Variants in PRKAR1A observed in about 807,000 individuals in gnomAD.
PRKAR1A encodes cAMP-dependent protein kinase type I-alpha regulatory subunit.
In PRKAR1A, 3 loss-of-function variants were observed where a neutral mutation model predicts 52.0. That is an observed-to-expected ratio of 0.06 (90% confidence interval 0.03 to 0.15). The LOEUF is 0.15. Among genes scored for constraint, PRKAR1A ranks in the 10% least tolerant of loss-of-function variants. The pLI is 1.00. For synonymous variants in PRKAR1A, 188 were observed against 168.4 expected (o/e 1.12, Z -0.90); for missense variants, 240 against 477.4 (o/e 0.50, Z 4.63).
Position 68,528,890 on chromosome 17 carries a change from C to A in PRKAR1A, c.790C>A (p.Arg264Ser). 6.2e-7 allele frequency: 1 copy of A among 1,613,822 alleles called. No individual in the cohort carries two copies. The highest frequency in any genetic ancestry group is 1.3e-5 in the African/African-American group (1 of 74,990). ...TTCAGAGTCTCTGGACAAGTGGGAA[C>A]GTCTTACGGTAGCTGATGCATTGGA... Reference protein sequence around the residue: ...SILESLDKWERLTVADALEPV... With the variant: ...SILESLDKWESLTVADALEPV... The change falls in exon 9 of 11, where the codon CGT becomes AGT. Residue 264 changes from arginine to serine, a missense_variant. Physicochemically the swap from Arg to Ser is moderately radical, Grantham distance 110 (BLOSUM62 -1). Around this residue, in one of 4 missense-constraint regions of PRKAR1A, gnomAD observed 107 missense variants for 290.9 expected, o/e 0.37. Coordinates refer to ENST00000589228, the MANE Select transcript of PRKAR1A (RefSeq NM_002734.5).
chr17:68,542,994 T>C (rs558888222), intron 11 of PRKAR1A, among the ~76,000 whole-genome samples: 1 of 152,162 alleles, frequency 6.6e-6, no homozygotes, highest in Non-Finnish European at 1.5e-5. Context: ...AACCTAGGTC[T>C]AAAGGAGTGG....
At chr17:68,486,111 GAA>G in the PRKAR1A span, among the ~76,000 whole-genome samples, 3 of 152,142 alleles carry the variant, frequency 2.0e-5, no homozygotes, top group African/African-American at 7.2e-5. Flanking sequence ...TCATCAAAGG[GAA>G]AGAAGACATT....
the PRKAR1A span, among the ~76,000 whole-genome samples, chr17:68,469,302 C>T: frequency 4.6e-5 from 7 of 152,080 alleles, no homozygotes; most frequent in Non-Finnish European, 1.5e-5. Flanking sequence ...AAATTTCCCA[C>T]AACCACATAG....
rs539104833 is a variant in PRKAR1A at position 68,532,347 on chromosome 17, A to G, written c.*1898A>G. On this transcript the variant is annotated 3_prime_UTR_variant, in exon 11 of 11. Coordinates refer to ENST00000589228, the MANE Select transcript of PRKAR1A (RefSeq NM_002734.5). ...TATGTATATAATCATGCTCATGTAT[A>G]TTTAGTTACGTATAATGCTTTCTGA... is the stretch of plus-strand genomic sequence containing the variant. The G allele has an allele frequency of 3.3e-5, 35 of 1,055,410 alleles. No homozygotes were observed. In the South Asian group the frequency reaches 1.1e-3, roughly 35 times the overall value. The allele number at this position is 1,055,410 out of a possible 1,614,324, so 65.4% of individuals were successfully genotyped here. A position where few individuals can be genotyped will look rare whatever the true frequency, so the allele number is the denominator to read the frequency against.
At chr17:68,421,773 T>C in the PRKAR1A span, 1 of 1,614,232 alleles carries the variant, frequency 6.2e-7, no homozygotes, top group Non-Finnish European at 8.5e-7. Context: ...GTGCTTCTCA[T>C]CATGACTGCT....
chr17:68,491,737 T>G, the PRKAR1A span, among the ~76,000 whole-genome samples: 1 of 150,600 alleles, frequency 6.6e-6, no homozygotes, highest in Non-Finnish European at 1.5e-5. Flanking sequence ...GAGTAAGAAC[T>G]CACAAATAGC....
the PRKAR1A span, chr17:68,430,033 T>C: frequency 6.2e-7 from 1 of 1,614,144 alleles, no homozygotes; most frequent in Non-Finnish European, 8.5e-7. Flanking sequence ...CCGGAGAAGT[T>C]CAAGCGTGCA....
chr17:68,494,842 A>G, the PRKAR1A span, among the ~76,000 whole-genome samples: 2 of 152,168 alleles, frequency 1.3e-5, no homozygotes, highest in African/African-American at 4.8e-5. Context: ...ATGGAACAGA[A>G]GAATCCCCCT....
At chr17:68,424,643 A>C in the PRKAR1A span, 1 of 392,166 alleles carries the variant, frequency 2.5e-6, no homozygotes, top group Non-Finnish European at 5.1e-6. Context: ...TGGGAGGCCG[A>C]GACGAGTGGA....
chr17:68,448,801 A>G, the PRKAR1A span, among the ~76,000 whole-genome samples: 18 of 152,352 alleles, frequency 1.2e-4, no homozygotes, highest in African/African-American at 3.1e-4. Context: ...ATCTGCTACC[A>G]ACAGATTTCA....
At position 68,532,366 on chromosome 17, in the gene PRKAR1A, T is replaced by C; in HGVS notation, c.*1917T>C. ...ATGTATATTTAGTTACGTATAATGC[T>C]TTCTGAGTGAGTTTTACTCTTAAAT... On this transcript the variant is annotated 3_prime_UTR_variant, in exon 11 of 11. Transcript: ENST00000589228. 9 of 1,057,402 alleles carry C rather than the reference T, an allele frequency of 8.5e-6. No individual in the cohort carries two copies. Among genetic ancestry groups the C allele is most frequent in the Non-Finnish European group, 1.0e-5 (9 of 871,822 alleles). The allele number at this position is 1,057,402 out of a possible 1,614,324, so 65.5% of individuals were successfully genotyped here. A position where few individuals can be genotyped will look rare whatever the true frequency, so the allele number is the denominator to read the frequency against.
chr17:68,528,033 C>A (rs1037867387), intron 8 of PRKAR1A, 133 bp downstream of exon 8: 1 of 767,794 alleles, frequency 1.3e-6, no homozygotes, highest in Admixed American at 2.1e-5. Flanking sequence ...GGCTGAAAGT[C>A]CTTCTGACTG....
chr17:68,523,245 G>A (rs945202517), intron 3 of PRKAR1A, among the ~76,000 whole-genome samples: 1 of 152,034 alleles, frequency 6.6e-6, no homozygotes, highest in Admixed American at 6.6e-5. Context: ...ATTAAATGTT[G>A]TGGCTTTTAA....
At chr17:68,523,219 C>CT (rs1160851059) in intron 3 of PRKAR1A, among the ~76,000 whole-genome samples, 4 of 152,090 alleles carry the variant, frequency 2.6e-5, no homozygotes, top group African/African-American at 9.7e-5. Context: ...TCGTGATGTC[C>CT]TTTTTTTGCT....
chr17:68,535,811 T>G (rs1292760070), downstream of PRKAR1A: 1 of 453,916 alleles, frequency 2.2e-6, no homozygotes, highest in African/African-American at 2.0e-5. Flanking sequence ...CCAGCTGATT[T>G]TTTTTTTAAG....
At chr17:68,478,630 C>T in the PRKAR1A span, among the ~76,000 whole-genome samples, 1 of 136,106 alleles carries the variant, frequency 7.3e-6, no homozygotes, top group Non-Finnish European at 1.6e-5. Context: ...GTGTGTGTAT[C>T]TGAATGTGTC....
the PRKAR1A span, among the ~76,000 whole-genome samples, chr17:68,491,589 G>C: frequency 6.6e-6 from 1 of 152,156 alleles, no homozygotes; most frequent in Admixed American, 6.5e-5. Flanking sequence ...GGAAGTGGGA[G>C]GAAGTGGGAG....
At chr17:68,437,003 A>ATATAT in the PRKAR1A span, among the ~76,000 whole-genome samples, 2 of 60,332 alleles carry the variant, frequency 3.3e-5, no homozygotes, top group Non-Finnish European at 8.0e-5. Context: ...CAAAAAAAAA[A>ATATAT]AAATATATAT....
intron 11 of PRKAR1A, chr17:68,542,690 C>T (rs773366431): frequency 6.2e-7 from 1 of 1,609,370 alleles, no homozygotes; most frequent in South Asian, 1.1e-5. Flanking sequence ...GGCCAGTACT[C>T]TACCTGGAGA....
Sources: gnomAD v4.1 joint callset for allele counts (sites outside exome capture counted in the v4.1 genomes callset) on GRCh38, gnomAD v4.1.1 for gene constraint, gnomAD v4.1.1 regional missense constraint, MANE v1.5 for transcripts, NCBI Gene and HGNC (gene_info 2026-07-23, HGNC 2026-07-21) for gene names.